The following RCAN2 variants were observed in gnomAD, a reference collection of about 807,000 sequenced individuals.
RCAN2 encodes calcipressin-2.
In RCAN2, 9 loss-of-function variants were observed where a neutral mutation model predicts 23.6. The observed-to-expected ratio is 0.38, with a 90% CI of 0.23 to 0.67. RCAN2 has a LOEUF of 0.67. Among genes scored for constraint, RCAN2 ranks in the 30% least tolerant of loss-of-function variants. The pLI is 0.51. For synonymous variants in RCAN2, 109 were observed against 115.7 expected (o/e 0.94, Z 0.37); for missense variants, 273 against 302.3 (o/e 0.90, Z 0.72).
At chr6:46,422,305 TGA>T (rs1177026386) in intron 2 of RCAN2, among the ~76,000 whole-genome samples, 1 of 152,142 alleles carries the variant, frequency 6.6e-6, no homozygotes, top group African/African-American at 2.4e-5. Context: ...TCTTCTGCCA[TGA>T]GTGGAAGCAG....
chr6:46,268,150 C>T (rs1163979886), intron 2 of RCAN2, among the ~76,000 whole-genome samples: 1 of 152,138 alleles, frequency 6.6e-6, no homozygotes, highest in Non-Finnish European at 1.5e-5. Context: ...CAGAAAACAC[C>T]ATTTTATTCA....
chr6:46,246,283 A>G (rs942354798), intron 4 of RCAN2, among the ~76,000 whole-genome samples: 3 of 152,102 alleles, frequency 2.0e-5, no homozygotes, highest in South Asian at 2.1e-4. Context: ...ACTTCTTAGG[A>G]ACTTGGAGGT....
At chr6:46,408,981 G>C (rs1766481883) in intron 2 of RCAN2, among the ~76,000 whole-genome samples, 1 of 152,096 alleles carries the variant, frequency 6.6e-6, no homozygotes. Flanking sequence ...AAATTTCATA[G>C]AGACATATCA....
chr6:46,291,111 G>A (rs1047535916), intron 2 of RCAN2, among the ~76,000 whole-genome samples: 1 of 152,118 alleles, frequency 6.6e-6, no homozygotes, highest in Non-Finnish European at 1.5e-5. Flanking sequence ...CCAAGGTCTA[G>A]GAAAGGGTAG....
intron 2 of RCAN2, among the ~76,000 whole-genome samples, chr6:46,371,754 T>C (rs1169979757): frequency 6.6e-6 from 1 of 152,188 alleles, no homozygotes; most frequent in Non-Finnish European, 1.5e-5. Context: ...TGTCAATGAA[T>C]TGAATATGGG....
chr6:46,333,219 A>G (rs1443152313), intron 2 of RCAN2, among the ~76,000 whole-genome samples: 1 of 152,108 alleles, frequency 6.6e-6, no homozygotes, highest in African/African-American at 2.4e-5. Flanking sequence ...CCTTTGTCAG[A>G]TGAGTAACAA....
At chr6:46,398,177 A>G (rs1374170032) in intron 2 of RCAN2, among the ~76,000 whole-genome samples, 1 of 152,218 alleles carries the variant, frequency 6.6e-6, no homozygotes, top group Non-Finnish European at 1.5e-5. Context: ...ATGTATGCAT[A>G]GGGAAAGAAC....
intron 2 of RCAN2, among the ~76,000 whole-genome samples, chr6:46,425,977 C>T (rs893904842): frequency 3.3e-5 from 5 of 150,098 alleles, no homozygotes; most frequent in African/African-American, 1.2e-4. Context: ...TGGCTCACTG[C>T]AACCTCTGTC....
chr6:46,479,772 G>A (rs1768807139), intron 1 of RCAN2, among the ~76,000 whole-genome samples: 1 of 151,866 alleles, frequency 6.6e-6, no homozygotes, highest in Non-Finnish European at 1.5e-5. Context: ...TAGTAACGAT[G>A]GGGTTTCACC....
intron 2 of RCAN2, among the ~76,000 whole-genome samples, chr6:46,342,874 C>G (rs1764373129): frequency 6.6e-6 from 1 of 151,944 alleles, no homozygotes; most frequent in South Asian, 2.1e-4. Context: ...AAAACTAATA[C>G]TTTATCTAGA....
chr6:46,460,559 T>C (rs1315298285), intron 1 of RCAN2, among the ~76,000 whole-genome samples: 1 of 149,408 alleles, frequency 6.7e-6, no homozygotes, highest in Non-Finnish European at 1.5e-5. Context: ...GGGATGAATG[T>C]GGTGTTCTTT....
At chr6:46,423,458 T>C (rs945487388) in intron 2 of RCAN2, among the ~76,000 whole-genome samples, 1 of 152,212 alleles carries the variant, frequency 6.6e-6, no homozygotes, top group African/African-American at 2.4e-5. Flanking sequence ...TCCTCCTTCT[T>C]GAAGGTTGAT....
At chr6:46,357,055 T>C (rs956067287) in intron 2 of RCAN2, among the ~76,000 whole-genome samples, 1 of 152,146 alleles carries the variant, frequency 6.6e-6, no homozygotes, top group African/African-American at 2.4e-5. Flanking sequence ...CATTGCCAGG[T>C]ATTTGGGTAT....
intron 2 of RCAN2, among the ~76,000 whole-genome samples, chr6:46,383,836 T>C (rs769111714): frequency 6.6e-6 from 1 of 152,178 alleles, no homozygotes; most frequent in African/African-American, 2.4e-5. Context: ...CTAAGTATTA[T>C]TGAATTCAAT....
chr6:46,461,565 C>T (rs1459086412), intron 1 of RCAN2, among the ~76,000 whole-genome samples: 1 of 149,908 alleles, frequency 6.7e-6, no homozygotes, highest in African/African-American at 2.4e-5. Flanking sequence ...GCCTTCTGGG[C>T]TGTGGCTTTC....
At chr6:46,416,079 T>C (rs951416191) in intron 2 of RCAN2, among the ~76,000 whole-genome samples, 9 of 152,204 alleles carry the variant, frequency 5.9e-5, no homozygotes, top group Middle Eastern at 3.2e-3. Context: ...CAGTATTTTT[T>C]AATACTTTCA....
intron 2 of RCAN2, among the ~76,000 whole-genome samples, chr6:46,307,761 A>C (rs1407679055): frequency 1.3e-5 from 2 of 152,122 alleles, no homozygotes; most frequent in Admixed American, 6.5e-5. Context: ...AATGAAGAAC[A>C]CTGAAGGAAT....
At chr6:46,403,757 C>G (rs964450726) in intron 2 of RCAN2, among the ~76,000 whole-genome samples, 4 of 151,934 alleles carry the variant, frequency 2.6e-5, no homozygotes, top group African/African-American at 9.7e-5. Context: ...TAAAATAAAT[C>G]TCTACACAAA....
intron 2 of RCAN2, among the ~76,000 whole-genome samples, chr6:46,400,482 C>T (rs932438449): frequency 6.6e-6 from 1 of 152,128 alleles, no homozygotes; most frequent in African/African-American, 2.4e-5. Flanking sequence ...CTAGTAAAAA[C>T]CATAGATCCC....
Sources: gnomAD v4.1 joint callset for allele counts (sites outside exome capture counted in the v4.1 genomes callset) on GRCh38, gnomAD v4.1.1 for gene constraint, MANE v1.5 for transcripts, NCBI Gene and HGNC (gene_info 2026-07-23, HGNC 2026-07-21) for gene names.